MCM9: variants seen among roughly 807,000 people sequenced by gnomAD.
The protein encoded by MCM9 is DNA helicase MCM9.
Under a neutral mutation model 72.8 loss-of-function variants are expected in MCM9, and 55 were observed. That is an observed-to-expected ratio of 0.76 (90% CI 0.61 to 0.95). MCM9 has a LOEUF of 0.95. Among genes scored for constraint, MCM9 ranks in the 40% least tolerant of loss-of-function variants. The pLI, the probability that MCM9 is intolerant of heterozygous loss-of-function variation, is 0.00. For missense variants in MCM9, 1,279 were observed against 1,377.0 expected (o/e 0.93, Z 1.13); for synonymous variants, 480 against 503.4 (o/e 0.95, Z 0.62).
chr6:118,884,501 A>C (rs191399778), intron 8 of MCM9, among the ~76,000 whole-genome samples: 74 of 152,284 alleles, frequency 4.9e-4, no homozygotes, highest in African/African-American at 1.8e-3. Context: ...GCAGTAAAAA[A>C]GGAATTTAAA....
At chr6:118,879,132 C>T (rs557276951) in intron 8 of MCM9, among the ~76,000 whole-genome samples, 1 of 151,724 alleles carries the variant, frequency 6.6e-6, no homozygotes, top group Non-Finnish European at 1.5e-5. Context: ...AGACATAAGA[C>T]ATGTAGAAAA....
chr6:118,920,337 A>G (rs1007566536), intron 5 of MCM9: 2 of 152,242 alleles, frequency 1.3e-5, no homozygotes, highest in Non-Finnish European at 2.9e-5. Flanking sequence ...AACCTAGAAG[A>G]GGTCCCTCAC....
intron 8 of MCM9, among the ~76,000 whole-genome samples, chr6:118,868,707 C>T (rs1015915032): frequency 6.6e-6 from 1 of 152,144 alleles, no homozygotes; most frequent in Non-Finnish European, 1.5e-5. Context: ...AAATGAAAAC[C>T]ACAATGAGAT....
Position 118,843,655 on chromosome 6 carries a change from T to TATACACGTGTATATAC in MCM9, c.1325+12715_1325+12716insGTATATACACGTGTAT, listed in dbSNP as rs1491542240. Among the ~76,000 whole-genome samples, 173 of 38,532 alleles carry TATACACGTGTATATAC rather than the reference T, an allele frequency of 4.5e-3. 9 individuals are homozygous for TATACACGTGTATATAC. The highest frequency in any genetic ancestry group is 0.016 in the African/African-American group (163 of 10,088). 25.3% of individuals were successfully genotyped at this position (38,532 alleles called of 152,430 possible). ...ACAAAACAAAACATATATATATATA[T>TATACACGTGTATATAC]GTGTATATATATATGTATGTATATA... On this transcript the variant is annotated intron_variant, in intron 9 of 13. Coordinates refer to ENST00000619706, the MANE Select transcript of MCM9 (RefSeq NM_017696.3).
chr6:118,856,683 T>C (rs907180864), intron 8 of MCM9, 138 bp from the exon 9 acceptor site: 14 of 880,680 alleles, frequency 1.6e-5, no homozygotes, highest in Non-Finnish European at 2.2e-5. Flanking sequence ...GTTCGAGGCC[T>C]GCCTGGACAA....
chr6:118,831,791 TAATAAA>T (rs1401127169), intron 9 of MCM9, among the ~76,000 whole-genome samples: 1 of 152,144 alleles, frequency 6.6e-6, no homozygotes, highest in African/African-American at 2.4e-5. Context: ...TCAACAATAT[TAATAAA>T]AATAACTACA....
intron 8 of MCM9, among the ~76,000 whole-genome samples, chr6:118,858,730 T>C (rs1258589131): frequency 6.6e-6 from 1 of 152,102 alleles, no homozygotes; most frequent in Non-Finnish European, 1.5e-5. Context: ...AGAATCTCTA[T>C]GCAAAACTAC....
At chr6:118,905,457 T>C (rs1057051265) in intron 8 of MCM9, among the ~76,000 whole-genome samples, 3 of 152,218 alleles carry the variant, frequency 2.0e-5, no homozygotes, top group Non-Finnish European at 2.9e-5. Context: ...TTACATATAT[T>C]GTGGCAAAAC....
chr6:118,822,745 G>T (rs1773900529), intron 13 of MCM9, among the ~76,000 whole-genome samples: 1 of 152,208 alleles, frequency 6.6e-6, no homozygotes. Flanking sequence ...TCCCCCAGGT[G>T]CTCTGTCCCA....
intron 8 of MCM9, among the ~76,000 whole-genome samples, chr6:118,870,728 C>T (rs1293345868): frequency 1.3e-5 from 2 of 151,734 alleles, no homozygotes; most frequent in East Asian, 1.9e-4. Context: ...CTCTTAGCTA[C>T]ACGAGGAAAA....
chr6:118,927,024 G>A (rs900991675), intron 3 of MCM9, among the ~76,000 whole-genome samples: 1 of 152,112 alleles, frequency 6.6e-6, no homozygotes, highest in Non-Finnish European at 1.5e-5. Flanking sequence ...AATAGGTAAA[G>A]AAAATTTGCT....
chr6:118,893,684 C>T (rs967258376), intron 8 of MCM9, among the ~76,000 whole-genome samples: 6 of 152,272 alleles, frequency 3.9e-5, no homozygotes, highest in African/African-American at 1.4e-4. Flanking sequence ...CAATTTATTT[C>T]CCCTGCAGCC....
At chr6:118,919,327 C>G (rs1403525953) in intron 5 of MCM9, 1 of 152,172 alleles carries the variant, frequency 6.6e-6, no homozygotes, top group Non-Finnish European at 1.5e-5. Context: ...TGCCCATAGG[C>G]TACGTGACCT....
intron 8 of MCM9, among the ~76,000 whole-genome samples, chr6:118,881,994 G>C (rs1424062083): frequency 6.6e-6 from 1 of 152,158 alleles, no homozygotes; most frequent in Admixed American, 6.5e-5. Flanking sequence ...GGGGTAGAAA[G>C]CATTTCTTAT....
intron 6 of MCM9, among the ~76,000 whole-genome samples, chr6:118,916,153 G>A (rs940404981): frequency 6.7e-6 from 1 of 149,700 alleles, no homozygotes; most frequent in Non-Finnish European, 1.5e-5. Context: ...AGGAGTTCAA[G>A]ACCAGCCTGG....
rs200647876 is a variant in MCM9, at chr6:118,829,309, C to T, written c.1326-59G>A. On this transcript the variant is annotated intron_variant, in intron 9 of 13. Coordinates refer to ENST00000619706, the MANE Select transcript of MCM9 (RefSeq NM_017696.3). ...GAGGTTCAGATAAAATGCAAGATTACAGCTGTTAATAAAATGGGGCTGCTC... is the reference window on the plus strand; with the variant it reads ...GAGGTTCAGATAAAATGCAAGATTATAGCTGTTAATAAAATGGGGCTGCTC... 1,110 of 1,451,130 alleles carry T rather than the reference C, an allele frequency of 7.6e-4. 2 individuals are homozygous for T. Among genetic ancestry groups the T allele is most frequent in the Non-Finnish European group, 9.7e-4 (1,046 of 1,083,392 alleles). The allele number at this position is 1,451,130 out of a possible 1,614,324, so 89.9% of individuals were successfully genotyped here.
At chr6:118,899,915 TA>T (rs1779687868) in intron 8 of MCM9, among the ~76,000 whole-genome samples, 1 of 152,210 alleles carries the variant, frequency 6.6e-6, no homozygotes, top group South Asian at 2.1e-4. Flanking sequence ...AGATGGTTTG[TA>T]TTACAAAGTT....
intron 1 of MCM9, among the ~76,000 whole-genome samples, chr6:118,933,036 GT>G: frequency 6.6e-6 from 1 of 152,114 alleles, no homozygotes; most frequent in Non-Finnish European, 1.5e-5. Flanking sequence ...ATAGTAAAAG[GT>G]TCTCTATGTC....
chr6:118,904,227 A>G (rs1780007445), intron 8 of MCM9, among the ~76,000 whole-genome samples: 1 of 152,184 alleles, frequency 6.6e-6, no homozygotes, highest in Non-Finnish European at 1.5e-5. Flanking sequence ...AAATGAAAAA[A>G]ATGTTGAGAC....
Sources: allele counts gnomAD v4.1 joint callset (sites outside exome capture counted in the v4.1 genomes callset), GRCh38; gene constraint gnomAD v4.1.1; transcripts MANE v1.5; gene names NCBI Gene and HGNC (gene_info 2026-07-23, HGNC 2026-07-21).